The following SGCG variants were observed in gnomAD, a reference collection of about 807,000 sequenced individuals.
SGCG encodes the protein gamma-sarcoglycan.
In SGCG, 26 loss-of-function variants were observed where a neutral mutation model predicts 29.3. The observed-to-expected ratio is 0.89, with a 90% confidence interval of 0.65 to 1.23. The LOEUF (loss-of-function observed/expected upper bound fraction) is 1.23. SGCG is among the 50% of genes most tolerant of loss of function. SGCG has a pLI of 0.00. For synonymous variants in SGCG, 145 were observed against 129.7 expected (o/e 1.12, Z -0.80); for missense variants, 353 against 356.0 (o/e 0.99, Z 0.07).
At chr13:23,309,505 C>A (rs922563665) in intron 6 of SGCG, among the ~76,000 whole-genome samples, 4 of 152,178 alleles carry the variant, frequency 2.6e-5, no homozygotes, top group African/African-American at 9.6e-5. Flanking sequence ...ATACTTCTTA[C>A]TTCTCAGATC....
chr13:23,185,393 T>C (rs1006604062), intron 1 of SGCG, among the ~76,000 whole-genome samples: 6 of 152,198 alleles, frequency 3.9e-5, no homozygotes, highest in African/African-American at 1.4e-4. Flanking sequence ...GGTTTCGTCA[T>C]GTTGGCCAGA....
intron 1 of SGCG, among the ~76,000 whole-genome samples, chr13:23,197,293 C>T (rs71429828): frequency 0.23 from 35,268 of 152,016 alleles, 4,251 homozygotes; most frequent in Middle Eastern, 0.33. Flanking sequence ...ATTGACTTCT[C>T]ACGTGGGTTA....
chr13:23,174,845 A>G, the SGCG span, among the ~76,000 whole-genome samples: 13 of 152,290 alleles, frequency 8.5e-5, no homozygotes, highest in African/African-American at 2.6e-4. Flanking sequence ...AAGCTGGTCA[A>G]ATCACAGGAG....
chr13:23,287,582 G>T (rs1476541892), intron 5 of SGCG, among the ~76,000 whole-genome samples: 1 of 152,216 alleles, frequency 6.6e-6, no homozygotes, highest in Non-Finnish European at 1.5e-5. Flanking sequence ...ATCGTTTTAA[G>T]TAGCTAAGTT....
chr13:23,250,152 G>C (rs1345503545), intron 3 of SGCG, among the ~76,000 whole-genome samples: 1 of 152,148 alleles, frequency 6.6e-6, no homozygotes, highest in African/African-American at 2.4e-5. Context: ...AAATGTGTCT[G>C]TAATTATAAC....
intron 5 of SGCG, among the ~76,000 whole-genome samples, chr13:23,279,753 A>G (rs1318624658): frequency 3.7e-5 from 4 of 108,572 alleles, no homozygotes; most frequent in Admixed American, 9.0e-5. Flanking sequence ...TTTTAGACAG[A>G]GTCTCGCTCT....
intron 4 of SGCG, among the ~76,000 whole-genome samples, chr13:23,277,413 TA>T (rs66499459): frequency 0.32 from 46,851 of 148,040 alleles, 7,277 homozygotes; most frequent in Middle Eastern, 0.36. Flanking sequence ...GTGAAGCTTT[TA>T]AAAAAAAAAA....
intron 6 of SGCG, among the ~76,000 whole-genome samples, chr13:23,318,322 A>G (rs536526768): frequency 2.0e-4 from 31 of 152,268 alleles, no homozygotes; most frequent in African/African-American, 7.5e-4. Flanking sequence ...TTTTGTATAC[A>G]TCTTTAATTG....
chr13:23,309,454 A>G (rs552436477), intron 6 of SGCG, among the ~76,000 whole-genome samples: 1 of 152,266 alleles, frequency 6.6e-6, no homozygotes, highest in South Asian at 2.1e-4. Flanking sequence ...TTCCATTAAG[A>G]TGATGATAGT....
At chr13:23,238,984 C>G (rs1879407994) in intron 3 of SGCG, among the ~76,000 whole-genome samples, 1 of 151,868 alleles carries the variant, frequency 6.6e-6, no homozygotes. Flanking sequence ...GGGACAATGT[C>G]AAGGGGCTTT....
intron 3 of SGCG, among the ~76,000 whole-genome samples, chr13:23,236,230 G>A (rs566851068): frequency 6.6e-6 from 1 of 152,316 alleles, no homozygotes; most frequent in East Asian, 1.9e-4. Flanking sequence ...CATGAATGAA[G>A]CATTCAAGTG....
chr13:23,217,863 T>A (rs1221942138), intron 2 of SGCG, among the ~76,000 whole-genome samples: 2 of 152,090 alleles, frequency 1.3e-5, no homozygotes, highest in African/African-American at 4.8e-5. Context: ...CTATATGAGA[T>A]GTCATAAATG....
rs796993828 is a variant in SGCG at position 23,318,553 on chromosome 13, CATA to C, written c.579-2080_579-2078del. Among the ~76,000 whole-genome samples the C allele has an allele frequency of 9.2e-5, 14 of 151,688 alleles. No homozygotes were observed. The South Asian group carries it at 2.7e-3, about 29-fold the overall frequency. On this transcript the variant is annotated intron_variant, in intron 6 of 7. Transcript: ENST00000218867. Reference sequence around the variant, plus strand: ...AAACTCTTTTACTTTTCATTGAAGTCATAATATTTATGTATTTACCTATTCAGA... The same window carrying C: ...AAACTCTTTTACTTTTCATTGAAGTCATATTTATGTATTTACCTATTCAGA...
chr13:23,179,675 A>T (rs1024001923), upstream of SGCG, among the ~76,000 whole-genome samples: 3 of 152,348 alleles, frequency 2.0e-5, no homozygotes, highest in African/African-American at 7.2e-5. Flanking sequence ...GAAAGGTTTT[A>T]AAATGTCTTA....
intron 4 of SGCG, among the ~76,000 whole-genome samples, chr13:23,257,093 T>C (rs1017618259): frequency 6.6e-6 from 1 of 152,212 alleles, no homozygotes; most frequent in Non-Finnish European, 1.5e-5. Flanking sequence ...AAATGGTATC[T>C]CTTTGTGGTT....
At position 23,203,895 on chromosome 13, in the gene SGCG, T is replaced by G; in HGVS notation, c.195+6T>G. On this transcript the variant is annotated splice_donor_region_variant and intron_variant, in intron 2 of 7. Coordinates refer to ENST00000218867, the MANE Select transcript of SGCG (RefSeq NM_000231.3). ...AAGTGATGTGGTTTTCTCCAGTAAGTATCATTATTTTCTGGTAAGCATGTT... is the reference window on the plus strand; with the variant it reads ...AAGTGATGTGGTTTTCTCCAGTAAGGATCATTATTTTCTGGTAAGCATGTT... 1 of 1,582,274 alleles carries G rather than the reference T, an allele frequency of 6.3e-7. No homozygotes were observed. The highest frequency in any genetic ancestry group is 1.1e-5 in the South Asian group (1 of 90,406).
intron 2 of SGCG, among the ~76,000 whole-genome samples, chr13:23,225,780 T>TACACACACACACACACACACACACAC (rs60718653): frequency 1.3e-5 from 2 of 148,546 alleles, no homozygotes; most frequent in Non-Finnish European, 3.0e-5. Flanking sequence ...GGACATGTCA[T>TACACACACACACACACACACACACAC]ACACACACAC....
intron 1 of SGCG, 40 bp from the exon 2 acceptor site, chr13:23,203,655 G>A (rs1483273732): frequency 1.3e-5 from 19 of 1,517,774 alleles, no homozygotes; most frequent in Non-Finnish European, 1.7e-5. Context: ...TTCCCTCTCT[G>A]TCTCTTTCTC....
At chr13:23,233,974 G>A (rs1252346045) in intron 2 of SGCG, among the ~76,000 whole-genome samples, 2 of 152,180 alleles carry the variant, frequency 1.3e-5, no homozygotes, top group Non-Finnish European at 2.9e-5. Context: ...AATGCAAAGG[G>A]CATGAATTGG....
Sources: gnomAD v4.1 joint callset for allele counts (sites outside exome capture counted in the v4.1 genomes callset) on GRCh38, gnomAD v4.1.1 for gene constraint, MANE v1.5 for transcripts, NCBI Gene and HGNC (gene_info 2026-07-23, HGNC 2026-07-21) for gene names.